Variants in GRIK2 observed in about 807,000 individuals in gnomAD.
The protein encoded by GRIK2 is glutamate ionotropic receptor kainate type subunit 2, also known as glutamate receptor ionotropic, kainate 2.
A neutral mutation model predicts 100.3 loss-of-function variants in GRIK2; 32 were observed. The observed-to-expected ratio is 0.32, with a 90% CI of 0.24 to 0.43. GRIK2 has a LOEUF of 0.43. Ranked by LOEUF, GRIK2 falls within the 20% of genes least tolerant of loss-of-function variation. The pLI is 1.00. For missense variants in GRIK2, 843 were observed against 1,114.9 expected, an observed-to-expected ratio of 0.76 and a Z score of 3.47; for synonymous variants, 417 against 389.4, an observed-to-expected ratio of 1.07 and a Z score of -0.83.
intron 11 of GRIK2, among the ~76,000 whole-genome samples, chr6:101,875,756 C>T (rs541456317): frequency 6.6e-6 from 1 of 151,726 alleles, no homozygotes; most frequent in African/African-American, 2.4e-5. Flanking sequence ...GCAAAGTTAA[C>T]AAGATATTGA....
intron 4 of GRIK2, among the ~76,000 whole-genome samples, chr6:101,652,205 C>T (rs1443493599): frequency 1.3e-5 from 2 of 152,118 alleles, no homozygotes; most frequent in African/African-American, 2.4e-5. Flanking sequence ...TTGAAACTCT[C>T]ATCCCAGTGT....
At chr6:101,727,657 CAGTG>C (rs1338550425) in intron 7 of GRIK2, among the ~76,000 whole-genome samples, 1 of 152,034 alleles carries the variant, frequency 6.6e-6, no homozygotes. Context: ...AGTTTAGTTT[CAGTG>C]GTTTTTCTTG....
At chr6:102,012,982 G>T (rs1795628697) in intron 14 of GRIK2, among the ~76,000 whole-genome samples, 1 of 152,112 alleles carries the variant, frequency 6.6e-6, no homozygotes, top group Non-Finnish European at 1.5e-5. Flanking sequence ...AATGTTATTA[G>T]TAGCTTGATC....
intron 4 of GRIK2, among the ~76,000 whole-genome samples, chr6:101,671,252 A>G (rs1220250543): frequency 3.9e-5 from 6 of 152,172 alleles, no homozygotes; most frequent in Non-Finnish European, 8.8e-5. Context: ...AGTATTTGAA[A>G]TATGTGCTAT....
intron 10 of GRIK2, among the ~76,000 whole-genome samples, chr6:101,820,570 T>C (rs1309217812): frequency 6.6e-6 from 1 of 152,070 alleles, no homozygotes; most frequent in African/African-American, 2.4e-5. Context: ...CTCAGCTTCC[T>C]GAGTAGCTGG....
intron 7 of GRIK2, among the ~76,000 whole-genome samples, chr6:101,687,405 G>A (rs1771773426): frequency 6.6e-6 from 1 of 151,864 alleles, no homozygotes; most frequent in Non-Finnish European, 1.5e-5. Flanking sequence ...CTTTTAATGA[G>A]TATTAGTCTA....
chr6:101,751,878 C>G (rs931374072), intron 7 of GRIK2, among the ~76,000 whole-genome samples: 5 of 152,118 alleles, frequency 3.3e-5, no homozygotes, highest in Non-Finnish European at 7.4e-5. Flanking sequence ...GTTTGTGTCT[C>G]TTGTGATGTT....
intron 2 of GRIK2, among the ~76,000 whole-genome samples, chr6:101,533,621 G>A (rs1474735875): frequency 6.6e-6 from 1 of 151,836 alleles, no homozygotes; most frequent in East Asian, 1.9e-4. Context: ...GTCTTTTGAT[G>A]TAGCTGAGAT....
intron 14 of GRIK2, among the ~76,000 whole-genome samples, chr6:102,034,991 C>G (rs1770188854): frequency 6.6e-6 from 1 of 151,170 alleles, no homozygotes; most frequent in African/African-American, 2.4e-5. Flanking sequence ...ATATGAAATA[C>G]TCAGGTAAGA....
chr6:101,963,691 T>C (rs1433744489), intron 14 of GRIK2, among the ~76,000 whole-genome samples: 1 of 151,904 alleles, frequency 6.6e-6, no homozygotes, highest in Non-Finnish European at 1.5e-5. Flanking sequence ...TAGAAAGCTC[T>C]ATTTCCTCTT....
At chr6:102,020,045 T>G (rs1769342925) in intron 14 of GRIK2, among the ~76,000 whole-genome samples, 1 of 152,008 alleles carries the variant, frequency 6.6e-6, no homozygotes, top group Non-Finnish European at 1.5e-5. Context: ...AAAAGTCCTC[T>G]TTAGGTTAAA....
rs1204844947 is a variant in GRIK2 at position 101,748,677 on chromosome 6, G to GA, written c.952-50965dup. Among the ~76,000 whole-genome samples the GA allele has an allele frequency of 1.2e-4, 18 of 152,098 alleles. No individual in the cohort carries two copies. The East Asian group carries it at 3.3e-3, about 28-fold the overall frequency. On this transcript the variant is annotated intron_variant, in intron 7 of 16. Coordinates refer to ENST00000369134, the MANE Select transcript of GRIK2 (RefSeq NM_021956.5). ...CAGTATCTGATACTCTACAGCTGTT[G>GA]AAAAAATGTTGAATAAGAAACTGAG...
rs147095817 is a variant in GRIK2, at chr6:101,853,120, G to A, written c.1318-6167G>A. Among the ~76,000 whole-genome samples, 85 of 152,192 alleles carry A rather than the reference G, an allele frequency of 5.6e-4. 1 individual carries two copies. Among genetic ancestry groups the A allele is most frequent in the African/African-American group, 1.8e-3 (74 of 41,540 alleles). On this transcript the variant is annotated intron_variant, in intron 10 of 16. Coordinates refer to ENST00000369134, the MANE Select transcript of GRIK2 (RefSeq NM_021956.5). ...CAACATATACGGTTTTCTCCCAGAC[G>A]ATATTACGATGTAGAAAGCAACCTA...
intron 14 of GRIK2, among the ~76,000 whole-genome samples, chr6:101,985,803 A>G (rs1040347066): frequency 6.6e-6 from 1 of 151,832 alleles, no homozygotes; most frequent in Admixed American, 6.6e-5. Context: ...ATAATAAAAT[A>G]GAGAAAATGG....
At chr6:102,007,392 A>G (rs1470554995) in intron 14 of GRIK2, among the ~76,000 whole-genome samples, 2 of 152,284 alleles carry the variant, frequency 1.3e-5, no homozygotes, top group East Asian at 1.9e-4. Context: ...AAGATAAATG[A>G]CATAAATATT....
intron 2 of GRIK2, among the ~76,000 whole-genome samples, chr6:101,445,099 A>G (rs567865745): frequency 2.0e-5 from 3 of 152,168 alleles, no homozygotes; most frequent in South Asian, 4.1e-4. Flanking sequence ...ACTGAGAGGC[A>G]GGCTCAGAAT....
At chr6:101,971,968 C>T (rs917229444) in intron 14 of GRIK2, among the ~76,000 whole-genome samples, 5 of 151,802 alleles carry the variant, frequency 3.3e-5, no homozygotes, top group Non-Finnish European at 5.9e-5. Flanking sequence ...GGTATATATG[C>T]ACCATATTTT....
At chr6:101,718,799 T>C (rs541522599) in intron 7 of GRIK2, among the ~76,000 whole-genome samples, 1 of 152,030 alleles carries the variant, frequency 6.6e-6, no homozygotes, top group South Asian at 2.1e-4. Flanking sequence ...GAAGATTTGA[T>C]ACCAAATCTG....
chr6:101,955,502 CA>C (rs200774906), intron 14 of GRIK2, among the ~76,000 whole-genome samples: 2 of 149,564 alleles, frequency 1.3e-5, no homozygotes, highest in Non-Finnish European at 3.0e-5. Flanking sequence ...AAAAGAGAAA[CA>C]AAAAAAAGCA....
Sources: allele counts gnomAD v4.1 joint callset (sites outside exome capture counted in the v4.1 genomes callset), GRCh38; gene constraint gnomAD v4.1.1; transcripts MANE v1.5; gene names NCBI Gene and HGNC (gene_info 2026-07-23, HGNC 2026-07-21).